The following BMP7 variants were observed in gnomAD, a reference collection of about 807,000 sequenced individuals.
BMP7 encodes bone morphogenetic protein 7.
BMP7 carries 12 observed loss-of-function variants against 41.2 expected under a neutral mutation model. The ratio of observed to expected loss-of-function variants is 0.29; its 90% CI spans 0.19 to 0.47. The LOEUF (loss-of-function observed/expected upper bound fraction) is 0.47. BMP7 is among the 20% of genes least tolerant of loss of function. The pLI is 0.99. For missense variants in BMP7, 467 were observed against 606.0 expected (o/e 0.77, Z 2.41); for synonymous variants, 248 against 250.0 (o/e 0.99, Z 0.07).
At chr20:57,193,071 T>G (rs980023961) in intron 3 of BMP7, among the ~76,000 whole-genome samples, 6 of 152,198 alleles carry the variant, frequency 3.9e-5, no homozygotes, top group African/African-American at 1.4e-4. Flanking sequence ...GACTCAGTGC[T>G]TGTCTCTCTG....
chr20:57,225,881 C>T (rs6070031), intron 2 of BMP7: 183,891 of 469,852 alleles, frequency 0.39, 38,352 homozygotes, highest in Middle Eastern at 0.46. Flanking sequence ...TCTGCTGGAA[C>T]GTGAGCTTCC....
At chr20:57,198,699 C>A (rs977475929) in intron 3 of BMP7, among the ~76,000 whole-genome samples, 1 of 152,210 alleles carries the variant, frequency 6.6e-6, no homozygotes, top group African/African-American at 2.4e-5. Context: ...CCCCCCACCA[C>A]CCGTGGCCAG....
At chr20:57,256,920 T>C (rs577538613) in intron 1 of BMP7, among the ~76,000 whole-genome samples, 1 of 152,176 alleles carries the variant, frequency 6.6e-6, no homozygotes, top group African/African-American at 2.4e-5. Context: ...ATAAGTTGTA[T>C]AACTACTAGT....
At chr20:57,254,723 G>A (rs1338190238) in intron 1 of BMP7, among the ~76,000 whole-genome samples, 1 of 151,858 alleles carries the variant, frequency 6.6e-6, no homozygotes. Flanking sequence ...CCCTCCCAGA[G>A]CTACACCTGC....
rs1461416928 is a variant in BMP7, at chr20:57,215,060, T to C, written c.612-12437A>G. The C allele has an allele frequency of 1.3e-5, 2 of 152,160 alleles. No homozygotes were observed. Among genetic ancestry groups the C allele is most frequent in the Non-Finnish European group, 2.9e-5 (2 of 68,044 alleles). The allele number at this position is 152,160 out of a possible 1,614,324, so 9.4% of individuals were successfully genotyped here. ...GAAATGGCTCTGACTCACAGTTCAC[T>C]GGGGCCTTAGCCCACCCAGCCCACT... On this transcript the variant is annotated intron_variant, in intron 2 of 6. Coordinates refer to ENST00000395863, the MANE Select transcript of BMP7 (RefSeq NM_001719.3). This position sits in a 1 kb window ranked among gnomAD's most constrained non-coding sequence, Gnocchi z 4.2.
At chr20:57,221,082 C>G (rs534987419) in intron 2 of BMP7, among the ~76,000 whole-genome samples, 2 of 152,248 alleles carry the variant, frequency 1.3e-5, no homozygotes, top group South Asian at 2.1e-4. Context: ...GTGCCAGGCT[C>G]TAGGCAAAAT....
chr20:57,231,579 C>T (rs1050008195), intron 1 of BMP7, among the ~76,000 whole-genome samples: 34 of 152,312 alleles, frequency 2.2e-4, no homozygotes, highest in Middle Eastern at 3.4e-3. Context: ...GGACCAGGAG[C>T]GGTGAAGCAC....
At chr20:57,226,593 A>G (rs904006746) in intron 2 of BMP7, among the ~76,000 whole-genome samples, 4 of 152,320 alleles carry the variant, frequency 2.6e-5, no homozygotes, top group Non-Finnish European at 4.4e-5. Flanking sequence ...GAACCCCTGG[A>G]AAGGGCTGCC....
chr20:57,196,121 C>T (rs1249100904), intron 3 of BMP7, among the ~76,000 whole-genome samples: 1 of 152,170 alleles, frequency 6.6e-6, no homozygotes, highest in Non-Finnish European at 1.5e-5. Context: ...GAGGGAGACA[C>T]CATGAACCAG....
intron 3 of BMP7, among the ~76,000 whole-genome samples, chr20:57,186,432 A>AAT (rs1984212855): frequency 6.6e-6 from 1 of 152,228 alleles, no homozygotes; most frequent in Middle Eastern, 3.2e-3. Flanking sequence ...GTCATTGGCA[A>AAT]ATATATATGT....
At chr20:57,249,534 A>G (rs374214012) in intron 1 of BMP7, among the ~76,000 whole-genome samples, 2 of 152,144 alleles carry the variant, frequency 1.3e-5, no homozygotes. Flanking sequence ...GGGTGACTGC[A>G]TCGCACTTTT....
intron 2 of BMP7, among the ~76,000 whole-genome samples, chr20:57,211,378 A>G (rs994418024): frequency 1.1e-4 from 17 of 152,184 alleles, no homozygotes; most frequent in African/African-American, 3.9e-4. Flanking sequence ...CACCCAAGTT[A>G]GAGGAGGCAG....
At chr20:57,180,618 G>C (rs979106026) in intron 4 of BMP7, among the ~76,000 whole-genome samples, 1 of 152,186 alleles carries the variant, frequency 6.6e-6, no homozygotes, top group Admixed American at 6.5e-5. Flanking sequence ...GTTCGACATT[G>C]AATCCTAGCC....
chr20:57,190,052 G>A (rs1275951611), intron 3 of BMP7, among the ~76,000 whole-genome samples: 3 of 152,232 alleles, frequency 2.0e-5, no homozygotes, highest in Non-Finnish European at 4.4e-5. Context: ...AGAAATACAC[G>A]GTGTGTGTCA....
At chr20:57,242,463 A>G (rs1254856429) in intron 1 of BMP7, among the ~76,000 whole-genome samples, 1 of 152,158 alleles carries the variant, frequency 6.6e-6, no homozygotes, top group African/African-American at 2.4e-5. Flanking sequence ...CCCATAACAA[A>G]GGAAAGGACT....
intron 2 of BMP7, among the ~76,000 whole-genome samples, chr20:57,226,476 C>A (rs559689339): frequency 6.6e-6 from 1 of 152,214 alleles, no homozygotes; most frequent in Admixed American, 6.5e-5. Flanking sequence ...ACTTGCCCTG[C>A]GGCACCATCC....
At chr20:57,179,360 G>C (rs1984017464) in intron 4 of BMP7, among the ~76,000 whole-genome samples, 1 of 152,208 alleles carries the variant, frequency 6.6e-6, no homozygotes, top group Non-Finnish European at 1.5e-5. Context: ...TGCTTGGGCC[G>C]CAGACAAGTC....
intron 2 of BMP7, among the ~76,000 whole-genome samples, chr20:57,220,514 A>G (rs1330846941): frequency 1.3e-5 from 2 of 152,242 alleles, no homozygotes; most frequent in Non-Finnish European, 2.9e-5. Context: ...GCAGAGGCCC[A>G]GGGCCAAGCA....
chr20:57,265,647 C>G (rs2066173718), intron 1 of BMP7, 58 bp downstream of exon 1: 3 of 1,555,304 alleles, frequency 1.9e-6, no homozygotes, highest in Non-Finnish European at 2.6e-6. Flanking sequence ...GGCTCCCTCC[C>G]TCCCAGTCTC....
Sources: gnomAD v4.1 joint callset for allele counts (sites outside exome capture counted in the v4.1 genomes callset) on GRCh38, gnomAD v4.1.1 for gene constraint, Gnocchi (gnomAD v3.1) non-coding constraint, MANE v1.5 for transcripts, NCBI Gene and HGNC (gene_info 2026-07-23, HGNC 2026-07-21) for gene names.